CENPF: variants seen among roughly 807,000 people sequenced by gnomAD.
CENPF encodes the protein centromere protein F, also known as AH antigen.
In CENPF, 214 loss-of-function variants were observed where a neutral mutation model predicts 307.3. The observed-to-expected ratio is 0.70, with a 90% CI of 0.62 to 0.78. The LOEUF (loss-of-function observed/expected upper bound fraction) is 0.78. Among genes scored for constraint, CENPF ranks in the 30% least tolerant of loss-of-function variants. CENPF has a pLI of 0.00. For synonymous variants in CENPF, 1,259 were observed against 1,270.6 expected, an observed-to-expected ratio of 0.99 and a Z score of 0.19; for missense variants, 3,401 against 3,483.9, an observed-to-expected ratio of 0.98 and a Z score of 0.60.
chr1:214,612,300 C>T lies in CENPF; in HGVS notation c.-41-1414C>T, dbSNP rs76260525. ...ATTGATTTGCGTATGTTGAACCAAC[C>T]GTAAATCCTGGCGATGAAGCCTACT... On this transcript the variant is annotated intron_variant, in intron 1 of 19. Transcript: ENST00000366955. Among the ~76,000 whole-genome samples the T allele has an allele frequency of 5.7e-3, 866 of 152,226 alleles. 4 individuals carry two copies. The highest frequency in any genetic ancestry group is 9.3e-3 in the Non-Finnish European group (635 of 68,018).
At chr1:214,607,210 T>C (rs930941604) in intron 1 of CENPF, among the ~76,000 whole-genome samples, 3 of 152,192 alleles carry the variant, frequency 2.0e-5, no homozygotes, top group African/African-American at 7.2e-5. Flanking sequence ...AGCTGCCACC[T>C]GGATGTCACC....
chr1:214,606,389 C>G (rs1657034072), intron 1 of CENPF, among the ~76,000 whole-genome samples: 1 of 151,852 alleles, frequency 6.6e-6, no homozygotes, highest in Non-Finnish European at 1.5e-5. Context: ...GCCCTGGCGC[C>G]TCTCCTCCTG....
rs919061312 is a variant in CENPF at position 214,643,100 on chromosome 1, T to C, written c.4762T>C (p.Leu1588=). 1.2e-6 allele frequency: 2 copies of C among 1,605,928 alleles called. No individual in the cohort carries two copies. The highest frequency in any genetic ancestry group is 8.5e-7 in the Non-Finnish European group (1 of 1,177,864). The part of the protein sequence containing the change: ...NKEIQELEQL[L]SSERQELDCL... ...GGAAATTCAAGAGCTCGAGCAGTTA[T>C]TAAGTTCTGAAAGGCAAGAGCTTGA... Residue 1588 remains leucine (L), a synonymous_variant, in exon 12 of 20, where the codon TTA becomes CTA. Transcript: ENST00000366955.
chr1:214,642,669 C>T lies in CENPF; in HGVS notation c.4331C>T (p.Ala1444Val). 1 of 1,614,046 alleles carries T rather than the reference C, an allele frequency of 6.2e-7. No homozygotes were observed. The highest frequency in any genetic ancestry group is 1.1e-5 in the South Asian group (1 of 91,082). The change falls in exon 12 of 20, where the codon GCC (alanine) becomes GTC (valine). Residue 1444 changes from alanine (A) to valine (V), a missense_variant. Ala to Val is a moderately conservative substitution (Grantham distance 64). Coordinates refer to ENST00000366955, the MANE Select transcript of CENPF (RefSeq NM_016343.4). ...ELQTYVDSLK[A>V]ENLVLSTNLR... ...CAGACCTATGTTGACTCATTAAAGGCCGAAAATTTGGTCTTGTCAACGAAT... is the reference window on the plus strand; with the variant it reads ...CAGACCTATGTTGACTCATTAAAGGTCGAAAATTTGGTCTTGTCAACGAAT...
Position 214,614,862 on chromosome 1 carries a change from C to G in CENPF, c.193C>G (p.Leu65Val). The G allele has an allele frequency of 6.3e-7, 1 of 1,598,976 alleles. No homozygotes were observed. The highest frequency in any genetic ancestry group is 8.5e-7 in the Non-Finnish European group (1 of 1,174,680). Residue 65 changes from leucine to valine, a missense_variant, in exon 3 of 20, where the codon CTG (leucine) becomes GTG (valine). Leu to Val is a conservative substitution (Grantham distance 32, BLOSUM62 1). Coordinates refer to ENST00000366955, the MANE Select transcript of CENPF (RefSeq NM_016343.4). ...AAATGAAAAAACCGAGGGTACAAAC[C>G]TGAAAAGGGAGAATCAAAGATTGAT... ...VENEKTEGTN[L>V]KRENQRLMEI...
At position 214,645,880 on chromosome 1, in the gene CENPF, G is replaced by A. The variant is rs756126833; in HGVS notation, c.6310G>A (p.Ala2104Thr). Residue 2104 changes from alanine to threonine, a missense_variant, in exon 13 of 20, where the codon GCA becomes ACA. Ala to Thr is a moderately conservative substitution (Grantham distance 58). Transcript: ENST00000366955. ...CGCACTGGTGGAGAAAGGTGAGTTC[G>A]CATTGAGGCTGAGCTCAACACAGGA... Reference protein sequence around the residue: ...EAALVEKGEFALRLSSTQEEV... With the variant: ...EAALVEKGEFTLRLSSTQEEV... 16 of 1,614,014 alleles carry A rather than the reference G, an allele frequency of 9.9e-6. No homozygotes were observed. The East Asian group carries it at 1.6e-4, about 16-fold the overall frequency.
At chr1:214,637,755 T>C in intron 10 of CENPF, 111 bp from the exon 11 acceptor site, 1 of 1,039,802 alleles carries the variant, frequency 9.6e-7, no homozygotes, top group Non-Finnish European at 1.4e-6. Context: ...ATTGTGATTC[T>C]TTCCCTAGTG....
chr1:214,644,580 C>G lies in CENPF; in HGVS notation c.5010C>G (p.Ser1670Arg). 3 of 1,605,844 alleles carry G rather than the reference C, an allele frequency of 1.9e-6. No individual in the cohort carries two copies. The highest frequency in any genetic ancestry group is 2.6e-6 in the Non-Finnish European group (3 of 1,175,316). The change falls in exon 13 of 20, where the codon AGC becomes AGG. Residue 1670 changes from serine to arginine, a missense_variant. Ser to Arg is a moderately radical substitution (Grantham distance 110). Transcript: ENST00000366955. Reference protein sequence around the residue: ...TEDAIQGRNESCDISKEHTSE... With the variant: ...TEDAIQGRNERCDISKEHTSE... ...AGGCTATTCAAGGCCGAAATGAGAGCTGTGACATATCAAAAGAACATACTT... is the reference window on the plus strand; with the variant it reads ...AGGCTATTCAAGGCCGAAATGAGAGGTGTGACATATCAAAAGAACATACTT...
At chr1:214,608,379 C>G in intron 1 of CENPF, 1 of 1,613,154 alleles carries the variant, frequency 6.2e-7, no homozygotes. Context: ...AAGGCCTACC[C>G]GAGCTGGCAC....
At chr1:214,604,035 G>A (rs1656959662) in intron 1 of CENPF, among the ~76,000 whole-genome samples, 1 of 152,044 alleles carries the variant, frequency 6.6e-6, no homozygotes, top group African/African-American at 2.4e-5. Context: ...GAAATAAAAG[G>A]CATGGGTCGT....
intron 3 of CENPF, 85 bp from the exon 4 acceptor site, chr1:214,618,488 A>C (rs746300632): frequency 3.1e-4 from 463 of 1,471,932 alleles, no homozygotes; most frequent in Non-Finnish European, 4.0e-4. Flanking sequence ...TTGTAAGTTT[A>C]TTACTCTCTG....
At chr1:214,660,988 A>G (rs1658774038) in intron 19 of CENPF, among the ~76,000 whole-genome samples, 1 of 152,208 alleles carries the variant, frequency 6.6e-6, no homozygotes, top group Non-Finnish European at 1.5e-5. Flanking sequence ...GGTCTTATGA[A>G]ATCATCACAA....
At chr1:214,621,585 AT>A (rs935511230) in intron 6 of CENPF, among the ~76,000 whole-genome samples, 18 of 152,352 alleles carry the variant, frequency 1.2e-4, no homozygotes, top group African/African-American at 4.3e-4. Context: ...TGGAAAAAAA[AT>A]CATTGTTAAT....
chr1:214,662,043 T>C (rs1453940441), intron 19 of CENPF, among the ~76,000 whole-genome samples: 1 of 152,144 alleles, frequency 6.6e-6, no homozygotes, highest in Non-Finnish European at 1.5e-5. Flanking sequence ...GTGTCCTCAA[T>C]TCAGTATCAG....
At chr1:214,650,505 A>G (rs184364326) in intron 14 of CENPF, among the ~76,000 whole-genome samples, 253 of 152,248 alleles carry the variant, frequency 1.7e-3, no homozygotes, top group African/African-American at 5.9e-3. Flanking sequence ...ACAAGGTGAG[A>G]TGGAGGAAGA....
At chr1:214,625,766 C>T (rs1657638415) in intron 7 of CENPF, among the ~76,000 whole-genome samples, 1 of 151,958 alleles carries the variant, frequency 6.6e-6, no homozygotes, top group Non-Finnish European at 1.5e-5. Flanking sequence ...CTAGATATTA[C>T]ATTATTTATA....
chr1:214,617,164 G>A (rs2102534509), intron 3 of CENPF, among the ~76,000 whole-genome samples: 1 of 151,766 alleles, frequency 6.6e-6, no homozygotes, highest in Middle Eastern at 3.4e-3. Flanking sequence ...TGATTCTCCT[G>A]CCTTAGCCTC....
intron 3 of CENPF, among the ~76,000 whole-genome samples, chr1:214,616,574 A>T (rs1197591344): frequency 6.6e-6 from 1 of 152,170 alleles, no homozygotes. Flanking sequence ...ACAAGTTGAA[A>T]TGAGAGTATC....
Position 214,641,540 on chromosome 1 carries a change from A to C in CENPF, c.3202A>C (p.Lys1068Gln). ...NECTSLCENR[K>Q]NELEQLKEAF... ...ATGCACTAGTCTTTGTGAAAATAGG[A>C]AAAATGAGTTGGAACAGCTAAAGGA... is the stretch of plus-strand genomic sequence containing the variant. The change falls in exon 12 of 20, where the codon AAA becomes CAA. Residue 1068 changes from lysine to glutamine, a missense_variant. By Grantham distance (53) the Lys-to-Gln change is moderately conservative (BLOSUM62 1). Transcript: ENST00000366955. 1 of 1,516,676 alleles carries C rather than the reference A, an allele frequency of 6.6e-7. No individual in the cohort carries two copies. 94.0% of individuals were successfully genotyped at this position (1,516,676 alleles called of 1,614,324 possible). A position where few individuals can be genotyped will look rare whatever the true frequency, so the allele number is the denominator to read the frequency against.
Sources: allele counts gnomAD v4.1 joint callset (sites outside exome capture counted in the v4.1 genomes callset), GRCh38; gene constraint gnomAD v4.1.1; transcripts MANE v1.5; gene names NCBI Gene and HGNC (gene_info 2026-07-23, HGNC 2026-07-21).